WNK1: variants seen among roughly 807,000 people sequenced by gnomAD.
WNK1 encodes the protein WNK lysine deficient protein kinase 1, also known as serine/threonine-protein kinase WNK1.
WNK1 carries 38 observed loss-of-function variants against 222.8 expected under a neutral mutation model. That is an observed-to-expected ratio of 0.17 (90% CI 0.13 to 0.22). WNK1 has a LOEUF of 0.22. Among genes scored for constraint, WNK1 ranks in the 10% least tolerant of loss-of-function variants. The probability of loss-of-function intolerance (pLI) is 1.00; values close to 1 mark genes in which losing one functional copy is unlikely to be tolerated. For synonymous variants in WNK1, 1,090 were observed against 1,092.9 expected (o/e 1.00, Z 0.05); for missense variants, 2,348 against 2,918.4 (o/e 0.80, Z 4.50).
intron 1 of WNK1, among the ~76,000 whole-genome samples, chr12:796,821 G>C (rs1945351451): frequency 6.6e-6 from 1 of 152,016 alleles, no homozygotes; most frequent in Non-Finnish European, 1.5e-5. Flanking sequence ...AACCAAAAAT[G>C]ATCTTCCTAA....
chr12:828,958 T>C (rs549523750), intron 3 of WNK1, among the ~76,000 whole-genome samples: 1 of 152,354 alleles, frequency 6.6e-6, no homozygotes, highest in South Asian at 2.1e-4. Flanking sequence ...GAATATTATG[T>C]AACTAGGGTT....
chr12:761,665 CTAGA>C (rs1440953072), intron 1 of WNK1, among the ~76,000 whole-genome samples: 1 of 147,736 alleles, frequency 6.8e-6, no homozygotes, highest in African/African-American at 2.4e-5. Context: ...TTCTCTGTTA[CTAGA>C]TAGAGATTAA....
At chr12:824,345 C>T (rs1394950690) in intron 2 of WNK1, among the ~76,000 whole-genome samples, 6 of 151,752 alleles carry the variant, frequency 4.0e-5, no homozygotes, top group Non-Finnish European at 7.4e-5. Context: ...TCATTCTCAC[C>T]AAACTTAGCT....
Position 889,049 on chromosome 12 carries a change from G to T in WNK1, c.5365-91G>T, listed in dbSNP as rs1592191671. On this transcript the variant is annotated intron_variant, in intron 20 of 27. Transcript: ENST00000315939. ...AAATGTTATGTTGTGCCAATATAAA[G>T]CATAAAACAGTGTGTCCTATCTAAA... 5.2e-6 allele frequency: 5 copies of T among 953,982 alleles called. No homozygotes were observed. The East Asian group carries it at 1.2e-4, about 23-fold the overall frequency. The allele number at this position is 953,982 out of a possible 1,614,324, so 59.1% of individuals were successfully genotyped here.
At chr12:758,579 G>A (rs1020894625) in intron 1 of WNK1, among the ~76,000 whole-genome samples, 2 of 145,112 alleles carry the variant, frequency 1.4e-5, no homozygotes, top group African/African-American at 4.9e-5. Context: ...AGTAGAGACG[G>A]GGTTTCACCT....
intron 4 of WNK1, among the ~76,000 whole-genome samples, chr12:854,340 A>G (rs1302546980): frequency 6.9e-6 from 1 of 144,828 alleles, no homozygotes; most frequent in East Asian, 2.2e-4. Flanking sequence ...CAACAGAGCA[A>G]GAACTTATCA....
rs2301881 is a variant in WNK1, at chr12:894,812, T to C, written c.5583+177T>C. ...AAAGTAATATATACTAAATAAAATA[T>C]AGAAATACTTAGAACAGTAGAGACA... On this transcript the variant is annotated intron_variant, in intron 23 of 27. Transcript: ENST00000315939. Among the ~76,000 whole-genome samples, 20,033 of 152,186 alleles carry C rather than the reference T, an allele frequency of 0.13. 1,574 individuals are homozygous for C. The highest frequency in any genetic ancestry group is 0.22 in the Middle Eastern group (66 of 294).
chr12:884,352 A>T lies in WNK1; in HGVS notation c.3844+109A>T. On this transcript the variant is annotated intron_variant, in intron 18 of 27. Transcript: ENST00000315939. The surrounding 1 kb of genome is among the most constrained non-coding windows in gnomAD (Gnocchi z 5.6). ...TATGATGACACAGATAATAAAAAAG[A>T]ATAGAAAACTGAAGTTATAACCAAC... The T allele has an allele frequency of 6.6e-7, 1 of 1,516,886 alleles. No individual in the cohort carries two copies. The highest frequency in any genetic ancestry group is 9.1e-7 in the Non-Finnish European group (1 of 1,099,704). 94.0% of individuals were successfully genotyped at this position (1,516,886 alleles called of 1,614,324 possible).
intron 22 of WNK1, among the ~76,000 whole-genome samples, chr12:893,333 T>C (rs760634097): frequency 6.6e-6 from 1 of 152,106 alleles, no homozygotes; most frequent in Non-Finnish European, 1.5e-5. Context: ...AATATATATA[T>C]GGTATATACA....
intron 1 of WNK1, among the ~76,000 whole-genome samples, chr12:805,243 G>T (rs934829159): frequency 1.3e-5 from 2 of 152,122 alleles, no homozygotes; most frequent in Non-Finnish European, 2.9e-5. Context: ...AATCACAGCA[G>T]TGCACGAGGA....
At chr12:755,496 A>G (rs1429495321) in intron 1 of WNK1, among the ~76,000 whole-genome samples, 1 of 152,248 alleles carries the variant, frequency 6.6e-6, no homozygotes, top group East Asian at 1.9e-4. Context: ...CTTAAAAACT[A>G]AGAAGTTCTT....
intron 2 of WNK1, among the ~76,000 whole-genome samples, chr12:817,162 CATA>C (rs1947420751): frequency 6.6e-6 from 1 of 152,078 alleles, no homozygotes; most frequent in Admixed American, 6.5e-5. Context: ...AAGAGGATGA[CATA>C]GTAGTGAGAA....
intron 25 of WNK1, among the ~76,000 whole-genome samples, chr12:899,930 T>C (rs1051054109): frequency 6.6e-6 from 1 of 151,892 alleles, no homozygotes; most frequent in African/African-American, 2.4e-5. Flanking sequence ...CTTCTTACGC[T>C]GCTCAGACAT....
At chr12:860,926 C>G (rs1951165356) in intron 6 of WNK1, 87 bp from the exon 7 acceptor site, 1 of 1,010,020 alleles carries the variant, frequency 9.9e-7, no homozygotes, top group African/African-American at 3.1e-5. Flanking sequence ...TTTTACAATG[C>G]CTTTTTTTTT....
chr12:883,183 G>A, intron 15 of WNK1, 124 bp downstream of exon 15: 1 of 980,530 alleles, frequency 1.0e-6, no homozygotes, highest in South Asian at 1.3e-5. Flanking sequence ...ACTTCAATGT[G>A]AATAAAACTA....
chr12:818,332 A>T (rs1947551775), intron 2 of WNK1, among the ~76,000 whole-genome samples: 1 of 152,178 alleles, frequency 6.6e-6, no homozygotes, highest in African/African-American at 2.4e-5. Context: ...TTAGACTTGC[A>T]GTAGAAGTTG....
At chr12:754,953 C>T (rs72647383) in intron 1 of WNK1, among the ~76,000 whole-genome samples, 1 of 152,142 alleles carries the variant, frequency 6.6e-6, no homozygotes, top group Non-Finnish European at 1.5e-5. Context: ...CACTATACAG[C>T]GAATAGTATA....
At chr12:843,136 C>T (rs1264610634) in intron 4 of WNK1, among the ~76,000 whole-genome samples, 2 of 151,962 alleles carry the variant, frequency 1.3e-5, no homozygotes, top group South Asian at 2.1e-4. Context: ...GGGGTTTTAC[C>T]GTGTTAGTCA....
At chr12:780,609 G>A (rs1001271105) in intron 1 of WNK1, among the ~76,000 whole-genome samples, 1 of 152,192 alleles carries the variant, frequency 6.6e-6, no homozygotes, top group Non-Finnish European at 1.5e-5. Flanking sequence ...AGTATTTGAG[G>A]AAACAGTTGC....
Sources: allele counts gnomAD v4.1 joint callset (sites outside exome capture counted in the v4.1 genomes callset), GRCh38; gene constraint gnomAD v4.1.1; non-coding constraint Gnocchi (gnomAD v3.1); transcripts MANE v1.5; gene names NCBI Gene and HGNC (gene_info 2026-07-23, HGNC 2026-07-21).